Variants in MAP7 observed in about 807,000 individuals in gnomAD.
MAP7 encodes microtubule associated protein 7, also known as ensconsin.
Under a neutral mutation model 94.8 loss-of-function variants are expected in MAP7, and 52 were observed. The observed-to-expected ratio is 0.55, with a 90% CI of 0.44 to 0.69. MAP7 has a LOEUF of 0.69. Ranked by LOEUF, MAP7 falls within the 30% of genes least tolerant of loss-of-function variation. The probability of loss-of-function intolerance (pLI) is 0.00; values close to 1 mark genes in which losing one functional copy is unlikely to be tolerated. For synonymous variants in MAP7, 350 were observed against 357.0 expected, an observed-to-expected ratio of 0.98 and a Z score of 0.22; for missense variants, 940 against 964.6, an observed-to-expected ratio of 0.97 and a Z score of 0.34.
At chr6:136,464,209 A>G (rs1002018296) in intron 1 of MAP7, among the ~76,000 whole-genome samples, 2 of 152,238 alleles carry the variant, frequency 1.3e-5, no homozygotes, top group African/African-American at 2.4e-5. Context: ...CATCTATGAT[A>G]ACAGAAGATA....
In MAP7 at chr6:136,423,372, A is replaced by G. The variant is rs144249093; in HGVS notation, c.68-1573T>C. On this transcript the variant is annotated intron_variant, in intron 1 of 17. Transcript: ENST00000354570. ...AGAAAGGTAGTTCATTGCCTGGCCC[A>G]CAGCAAGGCACGATAAATGGTAGAA... is the stretch of plus-strand genomic sequence containing the variant. Among the ~76,000 whole-genome samples the G allele has an allele frequency of 4.3e-3, 659 of 152,330 alleles. 17 individuals carry two copies. Among genetic ancestry groups the G allele is most frequent in the Admixed American group, 0.034 (527 of 15,304 alleles).
At chr6:136,399,673 T>C (rs1034265234) in intron 3 of MAP7, among the ~76,000 whole-genome samples, 1 of 152,214 alleles carries the variant, frequency 6.6e-6, no homozygotes, top group Admixed American at 6.5e-5. Flanking sequence ...TTTGTTTTCA[T>C]TTTGAATGTT....
intron 1 of MAP7, among the ~76,000 whole-genome samples, chr6:136,502,273 G>A (rs566270345): frequency 2.7e-4 from 41 of 152,298 alleles, no homozygotes; most frequent in Non-Finnish European, 4.0e-4. Flanking sequence ...ACACACAAAC[G>A]CATACACATG....
intron 1 of MAP7, among the ~76,000 whole-genome samples, chr6:136,482,536 G>T (rs1374192426): frequency 6.6e-6 from 1 of 152,062 alleles, no homozygotes. Flanking sequence ...GGGAGGCAGG[G>T]GTTGCAGTGA....
chr6:136,511,924 G>A (rs992412515), intron 1 of MAP7, among the ~76,000 whole-genome samples: 3 of 152,200 alleles, frequency 2.0e-5, no homozygotes, highest in Non-Finnish European at 4.4e-5. Context: ...GATGGTAGAA[G>A]GTGCTTCTGG....
At chr6:136,445,354 T>C (rs1488971131) in intron 1 of MAP7, among the ~76,000 whole-genome samples, 1 of 152,180 alleles carries the variant, frequency 6.6e-6, no homozygotes, top group African/African-American at 2.4e-5. Context: ...ACCCCCACCA[T>C]AGATCTCCTA....
chr6:136,493,962 C>T (rs9402815), intron 1 of MAP7, among the ~76,000 whole-genome samples: 11,288 of 152,156 alleles, frequency 0.074, 902 homozygotes, highest in African/African-American at 0.2. Flanking sequence ...CACAACCTAC[C>T]GACCTCTCAG....
chr6:136,405,464 C>T (rs1785310855), intron 3 of MAP7, among the ~76,000 whole-genome samples: 1 of 152,158 alleles, frequency 6.6e-6, no homozygotes, highest in Non-Finnish European at 1.5e-5. Flanking sequence ...GAAAAACACT[C>T]TAGGTGGAGT....
intron 1 of MAP7, among the ~76,000 whole-genome samples, chr6:136,451,559 C>T (rs1801127047): frequency 1.3e-5 from 2 of 152,100 alleles, no homozygotes; most frequent in South Asian, 4.1e-4. Context: ...TCCTGCAGAC[C>T]ATGGATAAAG....
intron 1 of MAP7, among the ~76,000 whole-genome samples, chr6:136,461,021 A>G (rs1805023949): frequency 6.6e-6 from 1 of 152,174 alleles, no homozygotes; most frequent in African/African-American, 2.4e-5. Context: ...AACCCTCTAT[A>G]CAGCTGACAC....
Position 136,353,634 on chromosome 6 carries a change from G to C in MAP7, c.2015+3058C>G, listed in dbSNP as rs190060124. Reference sequence around the variant, plus strand: ...AGAGTTCTGATCAAGGCTCACTGCAGCTTTGACCTCCTGGGCTCTAGTGAT... The same window carrying C: ...AGAGTTCTGATCAAGGCTCACTGCACCTTTGACCTCCTGGGCTCTAGTGAT... On this transcript the variant is annotated intron_variant, in intron 16 of 17. Coordinates refer to ENST00000354570, the MANE Select transcript of MAP7 (RefSeq NM_003980.6). Among the ~76,000 whole-genome samples the C allele has an allele frequency of 5.9e-5, 9 of 152,284 alleles. No homozygotes were observed. The East Asian group carries it at 1.7e-3, about 29-fold the overall frequency.
chr6:136,545,294 T>G (rs1196975272), intron 1 of MAP7: 1 of 149,286 alleles, frequency 6.7e-6, no homozygotes, highest in African/African-American at 2.5e-5. Context: ...TCCCTCCAGG[T>G]GCACCCTTCC....
intron 1 of MAP7, among the ~76,000 whole-genome samples, chr6:136,482,113 G>A (rs945651698): frequency 3.3e-5 from 5 of 152,114 alleles, no homozygotes; most frequent in African/African-American, 7.2e-5. Context: ...TTATTAAAAC[G>A]TCAAAAAATA....
At chr6:136,480,027 A>G (rs372563140) in intron 1 of MAP7, among the ~76,000 whole-genome samples, 1 of 152,216 alleles carries the variant, frequency 6.6e-6, no homozygotes, top group Admixed American at 6.5e-5. Context: ...AAAAGACCCC[A>G]ATAACCAAAG....
intron 1 of MAP7, among the ~76,000 whole-genome samples, chr6:136,527,124 C>T (rs1017491563): frequency 1.1e-4 from 17 of 152,306 alleles, no homozygotes; most frequent in African/African-American, 1.9e-4. Context: ...TTGCTACCAG[C>T]GGTGCTGAGC....
Position 136,366,031 on chromosome 6 carries a change from C to T in MAP7, c.990-13G>A. 2 of 1,601,466 alleles carry T rather than the reference C, an allele frequency of 1.2e-6. No homozygotes were observed. Among genetic ancestry groups the T allele is most frequent in the Non-Finnish European group, 1.7e-6 (2 of 1,176,508 alleles). ...CTTGGACGGAAGCCTGGGCCACAAA[C>T]AAACAAGGCAGACAAAAGGGGACAC... On this transcript the variant is annotated splice_polypyrimidine_tract_variant and intron_variant, in intron 9 of 17. Transcript: ENST00000354570.
intron 1 of MAP7, among the ~76,000 whole-genome samples, chr6:136,533,565 C>T (rs546608915): frequency 3.5e-4 from 54 of 152,302 alleles, no homozygotes; most frequent in Admixed American, 1.2e-3. Context: ...TTTTGTGTTG[C>T]TATAAATACC....
chr6:136,463,335 G>C (rs1805878247), intron 1 of MAP7, among the ~76,000 whole-genome samples: 1 of 152,142 alleles, frequency 6.6e-6, no homozygotes, highest in Admixed American at 6.5e-5. Context: ...TGCATGTTAG[G>C]AAATATTCTC....
intron 6 of MAP7, among the ~76,000 whole-genome samples, chr6:136,380,745 T>G (rs1777511153): frequency 1.3e-5 from 2 of 152,218 alleles, no homozygotes; most frequent in Admixed American, 1.3e-4. Context: ...AAAGTAATCT[T>G]ATCAGTCCAT....
Sources: allele counts gnomAD v4.1 joint callset (sites outside exome capture counted in the v4.1 genomes callset), GRCh38; gene constraint gnomAD v4.1.1; transcripts MANE v1.5; gene names NCBI Gene and HGNC (gene_info 2026-07-23, HGNC 2026-07-21).